MAP2: variants seen among roughly 807,000 people sequenced by gnomAD.
MAP2 encodes the protein microtubule associated protein 2.
MAP2 carries 14 observed loss-of-function variants against 137.6 expected under a neutral mutation model. That is an observed-to-expected ratio of 0.10 (90% confidence interval 0.07 to 0.16). The LOEUF is 0.16. Among genes scored for constraint, MAP2 ranks in the 10% least tolerant of loss-of-function variants. The pLI is 1.00. For synonymous variants in MAP2, 786 were observed against 782.3 expected (o/e 1.00, Z -0.08); for missense variants, 2,088 against 2,191.5 (o/e 0.95, Z 0.94).
intron 14 of MAP2, among the ~76,000 whole-genome samples, chr2:209,728,265 T>C (rs2074808552): frequency 6.6e-6 from 1 of 152,200 alleles, no homozygotes; most frequent in African/African-American, 2.4e-5. Context: ...GTTGTTCTTA[T>C]CTAGTTGAAA....
At chr2:209,611,472 A>G (rs2086850109) in intron 3 of MAP2, among the ~76,000 whole-genome samples, 2 of 151,768 alleles carry the variant, frequency 1.3e-5, no homozygotes. Flanking sequence ...CTGAAAAAAT[A>G]TATATATAAT....
At chr2:209,499,437 G>A (rs945786964) in intron 1 of MAP2, among the ~76,000 whole-genome samples, 51 of 152,112 alleles carry the variant, frequency 3.4e-4, no homozygotes, top group Non-Finnish European at 6.2e-4. Flanking sequence ...TCATCTTTCT[G>A]TCTTCTTCTG....
chr2:209,564,575 A>C (rs1298956368), intron 2 of MAP2, among the ~76,000 whole-genome samples: 2 of 151,038 alleles, frequency 1.3e-5, no homozygotes, highest in African/African-American at 2.4e-5. Context: ...AAAAAAAAAA[A>C]AAAAAAAACC....
chr2:209,490,144 A>ATT (rs981580676), intron 1 of MAP2, among the ~76,000 whole-genome samples: 6 of 152,312 alleles, frequency 3.9e-5, no homozygotes, highest in Middle Eastern at 3.4e-3. Flanking sequence ...AAAGGAAAGA[A>ATT]TTTTCAACCC....
intron 3 of MAP2, among the ~76,000 whole-genome samples, chr2:209,609,152 T>C (rs929696566): frequency 2.6e-5 from 4 of 151,994 alleles, no homozygotes; most frequent in African/African-American, 2.4e-5. Flanking sequence ...ATTTAATGCC[T>C]AATATATAGT....
Position 209,680,747 on chromosome 2 carries a change from T to A in MAP2, c.377-3T>A. ...TCTCATTTTTCTATTGTTTGATCTT[T>A]AGCAGCTGAAGAAACAGCTAATCTG... is the stretch of plus-strand genomic sequence containing the variant. On this transcript the variant is annotated splice_region_variant and splice_polypyrimidine_tract_variant and intron_variant, in intron 6 of 15. Transcript: ENST00000682079. 1 of 1,612,476 alleles carries A rather than the reference T, an allele frequency of 6.2e-7. No homozygotes were observed. Among genetic ancestry groups the A allele is most frequent in the South Asian group, 1.1e-5 (1 of 91,038 alleles).
At chr2:209,633,655 G>C (rs2153557865) in intron 4 of MAP2, among the ~76,000 whole-genome samples, 1 of 152,180 alleles carries the variant, frequency 6.6e-6, no homozygotes, top group Non-Finnish European at 1.5e-5. Flanking sequence ...AAGGGGGTTT[G>C]TTTTGGGTAG....
At chr2:209,436,075 T>C (rs1696190188) in intron 1 of MAP2, among the ~76,000 whole-genome samples, 1 of 144,312 alleles carries the variant, frequency 6.9e-6, no homozygotes, top group Non-Finnish European at 1.5e-5. Context: ...GAACAAAGAT[T>C]AATTTCTATT....
intron 4 of MAP2, among the ~76,000 whole-genome samples, chr2:209,626,002 T>C (rs2092250848): frequency 6.6e-6 from 1 of 152,168 alleles, no homozygotes; most frequent in African/African-American, 2.4e-5. Flanking sequence ...TTCAATTTAG[T>C]TTTTTTAAAT....
intron 2 of MAP2, among the ~76,000 whole-genome samples, chr2:209,514,100 G>A (rs10514644): frequency 0.051 from 7,754 of 151,994 alleles, 222 homozygotes; most frequent in South Asian, 0.093. Flanking sequence ...CAAATAATTG[G>A]CCATTCTATA....
rs78739970 is a variant in MAP2, at chr2:209,692,491, G to A, written c.455-134G>A. ...ACCTTTTCATATTGACTTTTACATG[G>A]GTAGCATGCTTGCATGTTCCATAAT... is the stretch of plus-strand genomic sequence containing the variant. On this transcript the variant is annotated intron_variant, in intron 7 of 15. Transcript: ENST00000682079. 3.2e-4 allele frequency: 288 copies of A among 889,596 alleles called. 2 individuals are homozygous for A. In the East Asian group the frequency reaches 7.8e-3, roughly 24 times the overall value. The allele number at this position is 889,596 out of a possible 1,614,324, so 55.1% of individuals were successfully genotyped here. A position where few individuals can be genotyped will look rare whatever the true frequency, so the allele number is the denominator to read the frequency against.
chr2:209,720,519 G>A (rs776176436), intron 13 of MAP2, among the ~76,000 whole-genome samples: 13 of 151,406 alleles, frequency 8.6e-5, no homozygotes, highest in Non-Finnish European at 1.9e-4. Context: ...GGCGCCTGTA[G>A]TCCCAGCTAC....
chr2:209,730,464 G>C lies in MAP2; in HGVS notation c.*67G>C. ...AGCTCTTGGCAGGAGTGGGCTCTGA[G>C]CAGTTGTTATATTCATTCTTTATAA... is the stretch of plus-strand genomic sequence containing the variant. On this transcript the variant is annotated 3_prime_UTR_variant, in exon 16 of 16. Coordinates refer to ENST00000682079, the MANE Select transcript of MAP2 (RefSeq NM_001375505.1). 1 of 1,094,416 alleles carries C rather than the reference G, an allele frequency of 9.1e-7. No individual in the cohort carries two copies. 67.8% of individuals were successfully genotyped at this position (1,094,416 alleles called of 1,614,324 possible).
intron 3 of MAP2, among the ~76,000 whole-genome samples, chr2:209,589,436 T>C (rs1377918607): frequency 6.6e-6 from 1 of 152,200 alleles, no homozygotes; most frequent in Non-Finnish European, 1.5e-5. Context: ...TAAATGAGTG[T>C]ATTGCCCTAA....
chr2:209,559,606 A>G (rs2071531479), intron 2 of MAP2, among the ~76,000 whole-genome samples: 1 of 151,878 alleles, frequency 6.6e-6, no homozygotes, highest in African/African-American at 2.4e-5. Context: ...AGCCAAGATC[A>G]TGCCACTGCA....
chr2:209,692,127 A>G (rs1161982570), intron 7 of MAP2, among the ~76,000 whole-genome samples: 1 of 152,162 alleles, frequency 6.6e-6, no homozygotes, highest in African/African-American at 2.4e-5. Context: ...CCCTCTGCCC[A>G]TAGCCTACCA....
intron 2 of MAP2, among the ~76,000 whole-genome samples, chr2:209,568,530 G>A (rs2073873672): frequency 6.6e-6 from 1 of 151,940 alleles, no homozygotes; most frequent in African/African-American, 2.4e-5. Context: ...CTCCAATTCA[G>A]TGAAGTTGCT....
chr2:209,704,085 T>A, intron 11 of MAP2: 2 of 452,604 alleles, frequency 4.4e-6, no homozygotes, highest in South Asian at 1.6e-5. Context: ...TAGTTCCCAA[T>A]AGGAACTTCC....
At chr2:209,644,556 A>G (rs574729238) in intron 4 of MAP2, among the ~76,000 whole-genome samples, 1 of 152,144 alleles carries the variant, frequency 6.6e-6, no homozygotes, top group African/African-American at 2.4e-5. Context: ...GTAATTGATT[A>G]ATTAATATTC....
Sources: allele counts gnomAD v4.1 joint callset (sites outside exome capture counted in the v4.1 genomes callset), GRCh38; gene constraint gnomAD v4.1.1; transcripts MANE v1.5; gene names NCBI Gene and HGNC (gene_info 2026-07-23, HGNC 2026-07-21).